The following KIF5A variants were observed in gnomAD, a reference collection of about 807,000 sequenced individuals.
KIF5A encodes the protein kinesin family member 5A, also known as kinesin heavy chain isoform 5A.
Under a neutral mutation model 141.3 loss-of-function variants are expected in KIF5A, and 35 were observed. The observed-to-expected ratio is 0.25, with a 90% CI of 0.19 to 0.33. KIF5A has a LOEUF of 0.33. KIF5A is among the 10% of genes least tolerant of loss of function. The pLI is 1.00. For synonymous variants in KIF5A, 448 were observed against 500.2 expected (o/e 0.90, Z 1.39); for missense variants, 861 against 1,314.3 (o/e 0.66, Z 5.33).
intron 23 of KIF5A, 40 bp downstream of exon 23, chr12:57,578,382 C>T (rs762611158): frequency 3.7e-5 from 52 of 1,408,878 alleles, no homozygotes; most frequent in African/African-American, 2.4e-4. Flanking sequence ...TTTTTGAGGC[C>T]GGGTAGCTAG....
chr12:57,584,887 G>C lies in KIF5A; in HGVS notation c.*706G>C, dbSNP rs1000376171. ...GGACTGAGAAATGGGTTGCTCAAGG[G>C]ACCATTTCCCTTTTTCTTCAAGCTC... On this transcript the variant is annotated 3_prime_UTR_variant, in exon 29 of 29. Transcript: ENST00000455537. 2.0e-5 allele frequency: 3 copies of C among 152,122 alleles called. No homozygotes were observed. The highest frequency in any genetic ancestry group is 7.2e-5 in the African/African-American group (3 of 41,396). The allele number at this position is 152,122 out of a possible 1,614,324, so 9.4% of individuals were successfully genotyped here.
chr12:57,572,108 G>A lies in KIF5A; in HGVS notation c.1410G>A (p.Leu470=). Residue 470 remains leucine (L), a synonymous_variant, in exon 14 of 29, where the codon CTG becomes CTA. Coordinates refer to ENST00000455537, the MANE Select transcript of KIF5A (RefSeq NM_004984.4). The surrounding 1 kb of genome is among the most constrained non-coding windows in gnomAD (Gnocchi z 4.2). ...RGDNEKVQRE[L]SHLQSENDAA... Reference sequence around the variant, plus strand: ...ACAACGAGAAGGTCCAGCGGGAGCTGAGCCACCTGCAATCAGAGAACGATG... The same window carrying A: ...ACAACGAGAAGGTCCAGCGGGAGCTAAGCCACCTGCAATCAGAGAACGATG... The A allele has an allele frequency of 8.1e-6, 13 of 1,614,102 alleles. No individual in the cohort carries two copies. Among genetic ancestry groups the A allele is most frequent in the Non-Finnish European group, 1.1e-5 (13 of 1,180,036 alleles).
At chr12:57,554,713 G>C (rs972517453) in intron 1 of KIF5A, among the ~76,000 whole-genome samples, 2 of 152,172 alleles carry the variant, frequency 1.3e-5, no homozygotes, top group Non-Finnish European at 2.9e-5. Flanking sequence ...TCTGATGAGG[G>C]CCTCAGGAAG....
At chr12:57,580,620 G>T (rs1882565729) in intron 23 of KIF5A, among the ~76,000 whole-genome samples, 1 of 152,164 alleles carries the variant, frequency 6.6e-6, no homozygotes, top group Non-Finnish European at 1.5e-5. Flanking sequence ...GCACATGCTG[G>T]GAGATGTGGG....
chr12:57,568,827 C>T (rs1882152016), intron 8 of KIF5A, 136 bp from the exon 9 acceptor site: 2 of 701,004 alleles, frequency 2.9e-6, no homozygotes, highest in East Asian at 5.4e-5. Flanking sequence ...TTCCCCAATC[C>T]CAGCCAAGCA....
intron 28 of KIF5A, 61 bp downstream of exon 28, chr12:57,583,276 C>A: frequency 2.1e-6 from 2 of 938,030 alleles, no homozygotes; most frequent in Non-Finnish European, 3.3e-6. Flanking sequence ...CTGACAGCCT[C>A]TTTGGTTTTC....
Position 57,576,788 on chromosome 12 carries a change from A to T in KIF5A, c.2226A>T (p.Leu742=). 6.2e-7 allele frequency: 1 copy of T among 1,613,656 alleles called. No homozygotes were observed. Among genetic ancestry groups the T allele is most frequent in the South Asian group, 1.1e-5 (1 of 91,036 alleles). Residue 742 remains leucine (L), a synonymous_variant, in exon 20 of 29, where the codon CTA becomes CTT. Coordinates refer to ENST00000455537, the MANE Select transcript of KIF5A (RefSeq NM_004984.4). ...TAAATCAGAAGCTCCAGTTAGAGCT[A>T]GAGAAGCTTCAGGCTGACTACGAGA... The part of the protein sequence containing the change: ...KDLNQKLQLE[L]EKLQADYEKL...
chr12:57,564,899 C>G lies in KIF5A; in HGVS notation c.446-19C>G. 1 of 1,613,712 alleles carries G rather than the reference C, an allele frequency of 6.2e-7. No individual in the cohort carries two copies. The highest frequency in any genetic ancestry group is 8.5e-7 in the Non-Finnish European group (1 of 1,179,632). ...GGTGGAAGTACTAGTCTTGCTTACC[C>G]TGCATTCTTTTGATTCAGTGACCAA... On this transcript the variant is annotated intron_variant, in intron 5 of 28. Transcript: ENST00000455537.
intron 26 of KIF5A, 101 bp from the exon 27 acceptor site, chr12:57,582,501 C>T: frequency 1.1e-6 from 1 of 897,576 alleles, no homozygotes; most frequent in Non-Finnish European, 1.9e-6. Flanking sequence ...ATCTTTTTCT[C>T]TAAGGGATTA....
At position 57,584,576 on chromosome 12, in the gene KIF5A, G is replaced by A. The variant is rs1882702183; in HGVS notation, c.*395G>A. 6.6e-6 allele frequency: 1 copy of A among 152,560 alleles called. No homozygotes were observed. The highest frequency in any genetic ancestry group is 2.1e-4 in the South Asian group (1 of 4,820). 9.5% of individuals were successfully genotyped at this position (152,560 alleles called of 1,614,324 possible). ...ATGACAAAAGGAAAAATGGGAGCTA[G>A]AGGGTTGTGACCCTTCATACACACA... On this transcript the variant is annotated 3_prime_UTR_variant, in exon 29 of 29. Coordinates refer to ENST00000455537, the MANE Select transcript of KIF5A (RefSeq NM_004984.4).
At chr12:57,552,373 G>A (rs1881605211) in intron 1 of KIF5A, among the ~76,000 whole-genome samples, 2 of 152,098 alleles carry the variant, frequency 1.3e-5, no homozygotes, top group Non-Finnish European at 1.5e-5. Context: ...ATGAATAGAA[G>A]CCCCAGGCCC....
intron 12 of KIF5A, among the ~76,000 whole-genome samples, 185 bp from the exon 13 acceptor site, chr12:57,571,136 A>T (rs1408670101): frequency 6.6e-6 from 1 of 152,000 alleles, no homozygotes; most frequent in Non-Finnish European, 1.5e-5. Flanking sequence ...GGGTCTCACT[A>T]TGTTGCCCAG....
At chr12:57,578,200 C>T in intron 22 of KIF5A, 38 bp from the exon 23 acceptor site, 1 of 1,595,564 alleles carries the variant, frequency 6.3e-7, no homozygotes, top group East Asian at 2.2e-5. Flanking sequence ...CCTGTTTGGC[C>T]TCAGGACAGC....
intron 1 of KIF5A, among the ~76,000 whole-genome samples, chr12:57,557,140 G>A (rs1053139321): frequency 6.6e-6 from 1 of 151,654 alleles, no homozygotes; most frequent in South Asian, 2.1e-4. Flanking sequence ...ACTATCCTTC[G>A]TACAACCGGA....
chr12:57,558,563 A>G (rs1484114685), intron 1 of KIF5A, among the ~76,000 whole-genome samples: 1 of 152,080 alleles, frequency 6.6e-6, no homozygotes, highest in Non-Finnish European at 1.5e-5. Context: ...AATCCCAGCT[A>G]CTCTGGAGGC....
intron 28 of KIF5A, 84 bp downstream of exon 28, chr12:57,583,299 C>G: frequency 1.6e-6 from 1 of 641,356 alleles, no homozygotes; most frequent in Non-Finnish European, 2.7e-6. Context: ...GCTGCTGCTT[C>G]TTTTTTTTTT....
intron 1 of KIF5A, among the ~76,000 whole-genome samples, chr12:57,559,951 G>A (rs1881860514): frequency 6.6e-6 from 1 of 152,164 alleles, no homozygotes; most frequent in African/African-American, 2.4e-5. Flanking sequence ...GAGTGCGGTG[G>A]CGCGATCTCG....
intron 19 of KIF5A, 79 bp downstream of exon 19, chr12:57,576,457 T>G (rs1882429772): frequency 9.1e-7 from 1 of 1,095,648 alleles, no homozygotes; most frequent in African/African-American, 1.5e-5. Context: ...CCCCTCTGGG[T>G]CTGATTCTTT....
chr12:57,566,267 CTTATTT>C (rs1882062351), intron 6 of KIF5A, among the ~76,000 whole-genome samples: 7 of 151,538 alleles, frequency 4.6e-5, no homozygotes, highest in African/African-American at 1.7e-4. Flanking sequence ...ACCAGGCCCA[CTTATTT>C]TTGTATTTTT....
Sources: gnomAD v4.1 joint callset for allele counts (sites outside exome capture counted in the v4.1 genomes callset) on GRCh38, gnomAD v4.1.1 for gene constraint, Gnocchi (gnomAD v3.1) non-coding constraint, MANE v1.5 for transcripts, NCBI Gene and HGNC (gene_info 2026-07-23, HGNC 2026-07-21) for gene names.